ARHGEF9: variants seen among roughly 807,000 people sequenced by gnomAD.
ARHGEF9 encodes the protein Cdc42 guanine nucleotide exchange factor 9.
ARHGEF9 carries 2 observed loss-of-function variants against 41.3 expected under a neutral mutation model. That is an observed-to-expected ratio of 0.05 (90% CI 0.02 to 0.15). ARHGEF9 has a LOEUF of 0.15. Among genes scored for constraint, ARHGEF9 ranks in the 10% least tolerant of loss-of-function variants. ARHGEF9 has a pLI of 1.00. For missense variants in ARHGEF9, 225 were observed against 424.7 expected, an observed-to-expected ratio of 0.53 and a Z score of 4.13; for synonymous variants, 160 against 154.4, an observed-to-expected ratio of 1.04 and a Z score of -0.27.
chrX:63,675,702 C>T lies in ARHGEF9; in HGVS notation c.816-1535G>A, dbSNP rs189554305. On this transcript the variant is annotated intron_variant, in intron 5 of 9. Transcript: ENST00000671741. ...GCCTCTTAAAACCCCTAGTCTCAGACGTGTAACCCTTGGCCCCACATCCTG... is the reference window on the plus strand; with the variant it reads ...GCCTCTTAAAACCCCTAGTCTCAGATGTGTAACCCTTGGCCCCACATCCTG... Among the ~76,000 whole-genome samples, 112 of 112,102 alleles carry T rather than the reference C, an allele frequency of 1.0e-3. 1 individual carries two copies. Among genetic ancestry groups the T allele is most frequent in the African/African-American group, 3.5e-3 (108 of 30,860 alleles).
chrX:63,698,115 AT>A (rs1556390867), intron 3 of ARHGEF9, among the ~76,000 whole-genome samples: 1 of 105,962 alleles, frequency 9.4e-6, no homozygotes, highest in Non-Finnish European at 1.9e-5. Context: ...AAATTTATAT[AT>A]ATATATATAA....
intron 8 of ARHGEF9, among the ~76,000 whole-genome samples, chrX:63,654,466 C>A (rs2048758374): frequency 8.9e-6 from 1 of 111,816 alleles, no homozygotes; most frequent in Non-Finnish European, 1.9e-5. Flanking sequence ...GGAGTGTCCA[C>A]ATACTGAAAG....
Position 63,678,428 on chromosome X carries a change from C to T in ARHGEF9, c.727G>A (p.Asp243Asn), listed in dbSNP as rs782266558. The T allele has an allele frequency of 2.5e-6, 3 of 1,206,531 alleles. No individual in the cohort carries two copies. The highest frequency in any genetic ancestry group is 1.7e-5 in the African/African-American group (1 of 57,658). Residue 243 changes from aspartate to asparagine, a missense_variant, in exon 5 of 10, where the codon GAT (aspartate) becomes AAT (asparagine). Physicochemically the swap from Asp to Asn is conservative, Grantham distance 23. This residue lies in a region of ARHGEF9 where 36 missense variants were observed against 113.6 expected (regional missense o/e 0.32). Transcript: ENST00000671741. ...LLQQMIDIAI[D>N]GFLLTPVQKI... is the part of the protein sequence containing the mutation. ...TGCACTGGAGTCAAAAGGAAACCAT[C>T]GATAGCAATGTCAATCATCTGCTGC...
At chrX:63,775,704 G>GA (rs1433509488) in intron 1 of ARHGEF9, among the ~76,000 whole-genome samples, 3 of 111,313 alleles carry the variant, frequency 2.7e-5, no homozygotes, top group African/African-American at 9.8e-5. Flanking sequence ...GGTGAGGACT[G>GA]AAAAAATACC....
chrX:63,711,150 A>T (rs1393847254), intron 2 of ARHGEF9, among the ~76,000 whole-genome samples: 1 of 111,778 alleles, frequency 8.9e-6, no homozygotes, highest in Non-Finnish European at 1.9e-5. Flanking sequence ...GCATTATTGA[A>T]AGAAAGTAAA....
intron 4 of ARHGEF9, among the ~76,000 whole-genome samples, chrX:63,681,892 T>C (rs2050645192): frequency 9.0e-6 from 1 of 110,972 alleles, no homozygotes; most frequent in Non-Finnish European, 1.9e-5. Flanking sequence ...AAGGGACTAT[T>C]ATGAACAATT....
intron 1 of ARHGEF9, among the ~76,000 whole-genome samples, chrX:63,772,643 C>A (rs782306864): frequency 9.0e-6 from 1 of 111,422 alleles, no homozygotes; most frequent in African/African-American, 3.3e-5. Context: ...GAATTTGAAC[C>A]CAGGGAGTAT....
At chrX:63,755,011 C>G (rs1305880614) in intron 1 of ARHGEF9, 1 of 936,980 alleles carries the variant, frequency 1.1e-6, no homozygotes, top group African/African-American at 2.0e-5. Context: ...CTCCCCTACT[C>G]CCTTTACTTC....
At chrX:63,695,663 T>G (rs781849867) in intron 4 of ARHGEF9, among the ~76,000 whole-genome samples, 5 of 112,126 alleles carry the variant, frequency 4.5e-5, no homozygotes, top group African/African-American at 6.5e-5. Context: ...CTGGAAATAT[T>G]TCCCCTTGAC....
chrX:63,754,229 A>G (rs2055833002), intron 1 of ARHGEF9: 3 of 1,079,650 alleles, frequency 2.8e-6, no homozygotes, highest in Admixed American at 4.4e-5. Context: ...ATTTCACTCA[A>G]GCAATAGGCA....
intron 1 of ARHGEF9, among the ~76,000 whole-genome samples, chrX:63,730,285 T>A (rs2054204886): frequency 8.9e-6 from 1 of 112,616 alleles, no homozygotes; most frequent in South Asian, 3.7e-4. Context: ...ACCTCTATAA[T>A]TCTCCAATGT....
At position 63,638,898 on chromosome X, in the gene ARHGEF9, C is replaced by T. The variant is rs782611969; in HGVS notation, c.1391-689G>A. Among the ~76,000 whole-genome samples the T allele has an allele frequency of 5.4e-5, 6 of 111,897 alleles. No individual in the cohort carries two copies. The East Asian group carries it at 8.4e-4, about 16-fold the overall frequency. On this transcript the variant is annotated intron_variant, in intron 9 of 9. Coordinates refer to ENST00000671741, the MANE Select transcript of ARHGEF9 (RefSeq NM_001353921.2). ...CGGAATATGTGTGTGTCTTTTCAAA[C>T]GGAATAGCTTAAATGATACTAATAT...
At chrX:63,765,010 A>C (rs1419614433) in intron 1 of ARHGEF9, among the ~76,000 whole-genome samples, 1 of 111,903 alleles carries the variant, frequency 8.9e-6, no homozygotes, top group Non-Finnish European at 1.9e-5. Context: ...GTCATAGTAG[A>C]AAAAGGTGAG....
intron 6 of ARHGEF9, among the ~76,000 whole-genome samples, chrX:63,672,086 A>C (rs1214659120): frequency 5.4e-5 from 6 of 111,136 alleles, no homozygotes; most frequent in African/African-American, 2.0e-4. Flanking sequence ...TGGTCATGAG[A>C]ATGAGGCAGT....
chrX:63,675,367 T>C (rs1485881330), intron 5 of ARHGEF9, among the ~76,000 whole-genome samples: 2 of 111,330 alleles, frequency 1.8e-5, no homozygotes, highest in African/African-American at 3.3e-5. Flanking sequence ...TATCCTCACG[T>C]TTGCTTTTGC....
chrX:63,735,672 A>T (rs2054574353), intron 1 of ARHGEF9, among the ~76,000 whole-genome samples: 1 of 111,359 alleles, frequency 9.0e-6, no homozygotes. Flanking sequence ...CTATATCTAG[A>T]GATGAAGCAG....
chrX:63,704,397 C>T (rs138558139), intron 3 of ARHGEF9, among the ~76,000 whole-genome samples: 2,700 of 111,652 alleles, frequency 0.024, 74 homozygotes, highest in African/African-American at 0.083. Flanking sequence ...CTCTAAAGTA[C>T]GACACTTTGA....
At chrX:63,740,711 C>T (rs1424370989) in intron 1 of ARHGEF9, among the ~76,000 whole-genome samples, 24 of 111,757 alleles carry the variant, frequency 2.1e-4, no homozygotes, top group African/African-American at 7.8e-4. Flanking sequence ...CTGGTATTCC[C>T]CAGCTACGTG....
chrX:63,749,043 C>T (rs2055446086), intron 1 of ARHGEF9, among the ~76,000 whole-genome samples: 1 of 112,084 alleles, frequency 8.9e-6, no homozygotes, highest in Non-Finnish European at 1.9e-5. Flanking sequence ...TTGAAGATCC[C>T]AAATAGTGAG....
Sources: allele counts gnomAD v4.1 joint callset (sites outside exome capture counted in the v4.1 genomes callset), GRCh38; gene constraint gnomAD v4.1.1; regional missense constraint gnomAD v4.1.1; transcripts MANE v1.5; gene names NCBI Gene and HGNC (gene_info 2026-07-23, HGNC 2026-07-21).